Variants in CCDC88C observed in about 807,000 individuals in gnomAD.
The protein encoded by CCDC88C is coiled-coil and HOOK domain protein 88C, also known as protein Daple.
Under a neutral mutation model 198.8 loss-of-function variants are expected in CCDC88C, and 131 were observed. The ratio of observed to expected loss-of-function variants is 0.66; its 90% CI spans 0.57 to 0.76. The LOEUF is 0.76. Among genes scored for constraint, CCDC88C ranks in the 30% least tolerant of loss-of-function variants. The pLI is 0.00. For missense variants in CCDC88C, 2,553 were observed against 2,631.6 expected (o/e 0.97, Z 0.65); for synonymous variants, 1,166 against 1,114.7 (o/e 1.05, Z -0.92).
chr14:91,291,784 T>G (rs1384198543), intron 23 of CCDC88C, among the ~76,000 whole-genome samples: 1 of 152,098 alleles, frequency 6.6e-6, no homozygotes, highest in Non-Finnish European at 1.5e-5. Flanking sequence ...TATTGGAAAT[T>G]GAGCCACTTT....
intron 10 of CCDC88C, among the ~76,000 whole-genome samples, chr14:91,326,578 T>C (rs1471543406): frequency 2.0e-5 from 3 of 152,130 alleles, no homozygotes. Context: ...AAAAAATCCA[T>C]GAATCAAGAT....
chr14:91,384,321 A>G, intron 3 of CCDC88C: 1 of 361,160 alleles, frequency 2.8e-6, no homozygotes, highest in Non-Finnish European at 5.4e-6. Flanking sequence ...GGCTGCAAAA[A>G]CAAAAACAAG....
intron 10 of CCDC88C, among the ~76,000 whole-genome samples, chr14:91,333,079 A>G (rs1177556800): frequency 1.3e-5 from 2 of 152,224 alleles, no homozygotes; most frequent in Non-Finnish European, 2.9e-5. Flanking sequence ...AAGAAGTATA[A>G]AGAGAGAGAC....
chr14:91,364,346 T>C (rs767094817), intron 3 of CCDC88C, among the ~76,000 whole-genome samples: 1 of 152,186 alleles, frequency 6.6e-6, no homozygotes, highest in Non-Finnish European at 1.5e-5. Context: ...AGATTTTGCT[T>C]TTCATAAATG....
At chr14:91,332,760 C>G (rs571068701) in intron 10 of CCDC88C, among the ~76,000 whole-genome samples, 5 of 152,324 alleles carry the variant, frequency 3.3e-5, no homozygotes, top group Admixed American at 2.0e-4. Flanking sequence ...ACTCATGATT[C>G]CTCCCCTTCC....
At chr14:91,331,648 C>T (rs1239606753) in intron 10 of CCDC88C, among the ~76,000 whole-genome samples, 1 of 152,196 alleles carries the variant, frequency 6.6e-6, no homozygotes, top group Non-Finnish European at 1.5e-5. Context: ...TCTGGCTGAC[C>T]CCTCACTGCA....
intron 12 of CCDC88C, among the ~76,000 whole-genome samples, chr14:91,323,077 T>C (rs1156364337): frequency 1.3e-5 from 2 of 152,142 alleles, no homozygotes; most frequent in East Asian, 3.9e-4. Flanking sequence ...GACTAATTTT[T>C]GTACTTTTAG....
chr14:91,285,614 T>C (rs2139733120), intron 25 of CCDC88C: 1 of 1,247,180 alleles, frequency 8.0e-7, no homozygotes, highest in Middle Eastern at 2.3e-4. Context: ...TTTGTTTGTT[T>C]GAATTTCGGA....
intron 19 of CCDC88C, among the ~76,000 whole-genome samples, chr14:91,304,727 A>C (rs1891485222): frequency 6.6e-6 from 1 of 152,250 alleles, no homozygotes; most frequent in South Asian, 2.1e-4. Flanking sequence ...CAACATCCAA[A>C]ATCATCAGAA....
Position 91,294,040 on chromosome 14 carries a change from G to A in CCDC88C, c.4112+133C>T, listed in dbSNP as rs549085425. On this transcript the variant is annotated intron_variant, in intron 23 of 29. Coordinates refer to ENST00000389857, the MANE Select transcript of CCDC88C (RefSeq NM_001080414.4). ...CTAAGGGCAGTCCGTGCTGGTGATC[G>A]GTCTGTGCCCTGCCCTCAGGATCCC... 3.0e-4 allele frequency: 276 copies of A among 920,680 alleles called. 1 individual carries two copies. The highest frequency in any genetic ancestry group is 3.4e-4 in the Middle Eastern group (1 of 2,942). The allele number at this position is 920,680 out of a possible 1,614,324, so 57.0% of individuals were successfully genotyped here.
intron 3 of CCDC88C, chr14:91,379,067 A>T (rs1884626482): frequency 6.6e-6 from 1 of 152,194 alleles, no homozygotes; most frequent in Non-Finnish European, 1.5e-5. Flanking sequence ...AGTTTTTCCA[A>T]AGTCAGCACA....
intron 21 of CCDC88C, among the ~76,000 whole-genome samples, chr14:91,299,494 CTG>C (rs1324249421): frequency 3.3e-5 from 5 of 152,238 alleles, no homozygotes; most frequent in East Asian, 1.9e-4. Context: ...TTTCACCACT[CTG>C]TGCGTGTCCA....
chr14:91,410,455 C>A (rs1886738893), intron 2 of CCDC88C, among the ~76,000 whole-genome samples: 1 of 152,008 alleles, frequency 6.6e-6, no homozygotes, highest in Non-Finnish European at 1.5e-5. Flanking sequence ...GAAAAAAAAA[C>A]CCTACAAATC....
chr14:91,413,004 G>A (rs1360613461), intron 2 of CCDC88C, among the ~76,000 whole-genome samples: 4 of 152,058 alleles, frequency 2.6e-5, no homozygotes, highest in African/African-American at 7.2e-5. Flanking sequence ...CTATTTCCCC[G>A]AGGATGTTTC....
intron 4 of CCDC88C, among the ~76,000 whole-genome samples, chr14:91,345,825 T>TC (rs1405961683): frequency 4.6e-5 from 7 of 152,018 alleles, no homozygotes; most frequent in African/African-American, 1.5e-4. Flanking sequence ...ATGGGCTTGG[T>TC]CACCCAGGAA....
At chr14:91,285,923 G>A (rs997576277) in intron 25 of CCDC88C, 14 of 770,922 alleles carry the variant, frequency 1.8e-5, no homozygotes, top group East Asian at 1.3e-4. Context: ...CAAATGAATC[G>A]AAATTAGCTA....
At chr14:91,319,120 C>G (rs1378053830) in intron 13 of CCDC88C, among the ~76,000 whole-genome samples, 3 of 152,116 alleles carry the variant, frequency 2.0e-5, no homozygotes, top group Non-Finnish European at 2.9e-5. Flanking sequence ...CCTCCTCCCT[C>G]GACTGGAATC....
At position 91,371,154 on chromosome 14, in the gene CCDC88C, T is replaced by G. The variant is rs1441326879; in HGVS notation, c.271-11443A>C. ...ACCCCTCCTGGCTAAAACGACAGCA[T>G]CGGTGCTCCAGTGCTTGGAGTTGAT... is the stretch of plus-strand genomic sequence containing the variant. On this transcript the variant is annotated intron_variant, in intron 3 of 29. Transcript: ENST00000389857. The surrounding 1 kb of genome is among the most constrained non-coding windows in gnomAD (Gnocchi z 4.2). Among the ~76,000 whole-genome samples the G allele has an allele frequency of 6.6e-6, 1 of 152,096 alleles. No individual in the cohort carries two copies. Among genetic ancestry groups the G allele is most frequent in the African/African-American group, 2.4e-5 (1 of 41,416 alleles).
rs948323938 is a variant in CCDC88C, at chr14:91,281,491, G to T, written c.4665C>A (p.Ser1555=). The T allele has an allele frequency of 6.2e-7, 1 of 1,613,912 alleles. No individual in the cohort carries two copies. The highest frequency in any genetic ancestry group is 2.2e-5 in the East Asian group (1 of 44,876). ...YNSDDNLCEP[S]LEFEVPNHRQ... Reference sequence around the variant, plus strand: ...TGTGGTTGGGGACCTCAAACTCCAGGGATGGCTCACAGAGGTTGTCATCTG... The same window carrying T: ...TGTGGTTGGGGACCTCAAACTCCAGTGATGGCTCACAGAGGTTGTCATCTG... The change falls in exon 27 of 30, where the codon TCC becomes TCA. Residue 1555 remains serine (S), a synonymous_variant. Coordinates refer to ENST00000389857, the MANE Select transcript of CCDC88C (RefSeq NM_001080414.4).
Sources: gnomAD v4.1 joint callset for allele counts (sites outside exome capture counted in the v4.1 genomes callset) on GRCh38, gnomAD v4.1.1 for gene constraint, Gnocchi (gnomAD v3.1) non-coding constraint, MANE v1.5 for transcripts, NCBI Gene and HGNC (gene_info 2026-07-23, HGNC 2026-07-21) for gene names.